The following CNKSR2 variants were observed in gnomAD, a reference collection of about 807,000 sequenced individuals.
The protein encoded by CNKSR2 is CNK homolog protein 2.
In CNKSR2, 14 loss-of-function variants were observed where a neutral mutation model predicts 84.4. That is an observed-to-expected ratio of 0.17 (90% confidence interval 0.11 to 0.26). CNKSR2 has a LOEUF of 0.26. CNKSR2 is among the 10% of genes least tolerant of loss of function. The probability of loss-of-function intolerance (pLI) is 1.00; values close to 1 mark genes in which losing one functional copy is unlikely to be tolerated. For synonymous variants in CNKSR2, 275 were observed against 277.9 expected, an observed-to-expected ratio of 0.99 and a Z score of 0.10; for missense variants, 485 against 771.2, an observed-to-expected ratio of 0.63 and a Z score of 4.40.
chrX:21,609,386 T>C lies in CNKSR2; in HGVS notation c.2461T>C (p.Tyr821His), dbSNP rs941736762. Reference protein sequence around the residue: ...PTQKCHLQDHYGPYPLAESER... With the variant: ...PTQKCHLQDHHGPYPLAESER... Reference sequence around the variant, plus strand: ...TCAGAAATGCCACCTGCAGGATCACTATGGGCCATACCCCTTAGCTGAGAG... The same window carrying C: ...TCAGAAATGCCACCTGCAGGATCACCATGGGCCATACCCCTTAGCTGAGAG... Residue 821 changes from tyrosine (Y) to histidine (H), a missense_variant, in exon 20 of 22, where the codon TAT (tyrosine) becomes CAT (histidine). Tyr to His is a moderately conservative substitution (Grantham distance 83, BLOSUM62 2). Transcript: ENST00000379510. 1.7e-6 allele frequency: 2 copies of C among 1,211,555 alleles called. No individual in the cohort carries two copies. The highest frequency in any genetic ancestry group is 2.2e-6 in the Non-Finnish European group (2 of 895,486).
Position 21,432,826 on chromosome X carries a change from C to T in CNKSR2, c.431+12C>T, listed in dbSNP as rs370057293. On this transcript the variant is annotated intron_variant, in intron 3 of 21. Coordinates refer to ENST00000379510, the MANE Select transcript of CNKSR2 (RefSeq NM_014927.5). ...GCCTGGTTGGACAGGTAAAGTCTTCCGCATGTTTCATAAGTATCCTCTCCT... is the reference window on the plus strand; with the variant it reads ...GCCTGGTTGGACAGGTAAAGTCTTCTGCATGTTTCATAAGTATCCTCTCCT... 4.4e-5 allele frequency: 53 copies of T among 1,200,346 alleles called. No individual in the cohort carries two copies. The highest frequency in any genetic ancestry group is 9.0e-5 in the Admixed American group (4 of 44,691).
chrX:21,560,799 C>T (rs1196489367), intron 11 of CNKSR2, among the ~76,000 whole-genome samples: 1 of 111,185 alleles, frequency 9.0e-6, no homozygotes, highest in East Asian at 2.8e-4. Flanking sequence ...AATTAAAATG[C>T]TGTTTAGTAA....
chrX:21,500,088 C>T (rs1354436097), intron 7 of CNKSR2, among the ~76,000 whole-genome samples: 1 of 110,427 alleles, frequency 9.1e-6, no homozygotes, highest in Non-Finnish European at 1.9e-5. Context: ...ATATGTCCCC[C>T]TCCTAAAGGT....
intron 8 of CNKSR2, among the ~76,000 whole-genome samples, chrX:21,510,627 G>C (rs1314587196): frequency 9.0e-6 from 1 of 110,995 alleles, no homozygotes; most frequent in Non-Finnish European, 1.9e-5. Context: ...AATTTTCCAG[G>C]ACCTGCCCAC....
At chrX:21,545,637 A>G (rs2092018060) in intron 11 of CNKSR2, among the ~76,000 whole-genome samples, 2 of 112,448 alleles carry the variant, frequency 1.8e-5, no homozygotes, top group South Asian at 7.4e-4. Context: ...GACACCTCCC[A>G]GCAGGGGTTG....
chrX:21,612,166 T>C (rs980714332), intron 20 of CNKSR2, among the ~76,000 whole-genome samples: 4 of 112,529 alleles, frequency 3.6e-5, no homozygotes, highest in African/African-American at 1.3e-4. Flanking sequence ...GGTCTAGTTA[T>C]GGGATGTCAT....
chrX:21,530,834 A>G (rs1169585187), intron 10 of CNKSR2, among the ~76,000 whole-genome samples: 1 of 110,968 alleles, frequency 9.0e-6, no homozygotes, highest in African/African-American at 3.3e-5. Flanking sequence ...GACTATTTCT[A>G]TCAAAATGGG....
intron 13 of CNKSR2, among the ~76,000 whole-genome samples, chrX:21,568,878 A>G (rs1004795672): frequency 1.8e-5 from 2 of 111,280 alleles, no homozygotes; most frequent in Admixed American, 1.9e-4. Flanking sequence ...TTGCCCCTCA[A>G]AAAATAGCAT....
chrX:21,516,955 A>G (rs1343243232), intron 9 of CNKSR2, among the ~76,000 whole-genome samples: 2 of 112,010 alleles, frequency 1.8e-5, no homozygotes, highest in African/African-American at 3.2e-5. Flanking sequence ...ATGATCTTCT[A>G]TTTTATGTTA....
intron 1 of CNKSR2, among the ~76,000 whole-genome samples, chrX:21,395,242 T>TAAG (rs1056369258): frequency 3.6e-5 from 4 of 112,042 alleles, no homozygotes; most frequent in African/African-American, 1.3e-4. Flanking sequence ...AACTCATATA[T>TAAG]AAGACTTCAT....
At chrX:21,417,626 C>A (rs2090439955) in intron 1 of CNKSR2, among the ~76,000 whole-genome samples, 1 of 111,296 alleles carries the variant, frequency 9.0e-6, no homozygotes, top group Admixed American at 9.5e-5. Flanking sequence ...TTGAAATTCT[C>A]TTGTTGAATT....
At chrX:21,652,156 A>G (rs1369456390) in intron 21 of CNKSR2, 150 bp from the exon 22 acceptor site, 2 of 455,641 alleles carry the variant, frequency 4.4e-6, no homozygotes, top group Non-Finnish European at 7.4e-6. Context: ...AAAAAAGTAC[A>G]CTAGGACGTG....
intron 8 of CNKSR2, among the ~76,000 whole-genome samples, chrX:21,512,456 C>T (rs1477165326): frequency 9.0e-6 from 1 of 111,632 alleles, no homozygotes; most frequent in African/African-American, 3.2e-5. Context: ...CGACAAAGGA[C>T]CTGTTTGAGG....
intron 13 of CNKSR2, among the ~76,000 whole-genome samples, chrX:21,583,927 C>T (rs2147235026): frequency 8.9e-6 from 1 of 111,744 alleles, no homozygotes; most frequent in African/African-American, 3.2e-5. Context: ...CATAGCCAAA[C>T]AGAATACTGT....
intron 2 of CNKSR2, chrX:21,429,743 T>A (rs1601778629): frequency 9.1e-6 from 1 of 110,174 alleles, no homozygotes; most frequent in African/African-American, 3.3e-5. Context: ...ACAAAAAATT[T>A]AAAAATTAGC....
At chrX:21,596,303 C>T (rs1486921567) in intron 17 of CNKSR2, among the ~76,000 whole-genome samples, 5 of 111,510 alleles carry the variant, frequency 4.5e-5, no homozygotes, top group Non-Finnish European at 9.4e-5. Flanking sequence ...CACTGATTAG[C>T]TGTGAGACCT....
intron 20 of CNKSR2, chrX:21,642,073 A>G: frequency 1.3e-6 from 1 of 752,477 alleles, no homozygotes; most frequent in Non-Finnish European, 1.6e-6. Flanking sequence ...CAGAGAAAGC[A>G]AATTATGTAT....
chrX:21,617,922 C>A (rs1235446366), intron 20 of CNKSR2, among the ~76,000 whole-genome samples: 1 of 82,927 alleles, frequency 1.2e-5, no homozygotes. Flanking sequence ...CCCCCCCACA[C>A]ACACACCCCG....
At chrX:21,415,970 A>C (rs1268079302) in intron 1 of CNKSR2, among the ~76,000 whole-genome samples, 2 of 109,539 alleles carry the variant, frequency 1.8e-5, no homozygotes, top group Non-Finnish European at 3.8e-5. Context: ...TAGGACTTCC[A>C]GTACTATGTT....
Sources: allele counts gnomAD v4.1 joint callset (sites outside exome capture counted in the v4.1 genomes callset), GRCh38; gene constraint gnomAD v4.1.1; transcripts MANE v1.5; gene names NCBI Gene and HGNC (gene_info 2026-07-23, HGNC 2026-07-21).